Variants in CAMTA1 observed in about 807,000 individuals in gnomAD.
CAMTA1 encodes calmodulin-binding transcription activator 1.
In CAMTA1, 27 loss-of-function variants were observed where a neutral mutation model predicts 170.9. That is an observed-to-expected ratio of 0.16 (90% confidence interval 0.12 to 0.22). The LOEUF is 0.22. Ranked by LOEUF, CAMTA1 falls within the 10% of genes least tolerant of loss-of-function variation. The probability of loss-of-function intolerance (pLI) is 1.00; values close to 1 mark genes in which losing one functional copy is unlikely to be tolerated. For missense variants in CAMTA1, 1,619 were observed against 2,217.2 expected (o/e 0.73, Z 5.42); for synonymous variants, 833 against 891.5 (o/e 0.93, Z 1.17).
rs2095689173 is a variant in CAMTA1 at position 7,633,827 on chromosome 1, C to A, written c.511-6573C>A. Among the ~76,000 whole-genome samples, 1 of 152,244 alleles carries A rather than the reference C, an allele frequency of 6.6e-6. No individual in the cohort carries two copies. The highest frequency in any genetic ancestry group is 6.5e-5 in the Admixed American group (1 of 15,286). On this transcript the variant is annotated intron_variant, in intron 6 of 22. Coordinates refer to ENST00000303635, the MANE Select transcript of CAMTA1 (RefSeq NM_015215.4). The surrounding 1 kb of genome is among the most constrained non-coding windows in gnomAD (Gnocchi z 4.1). ...AGCGGAAACTGAGAGATTAGTGCTG[C>A]AAAGACAGCGAGGCGGGAACCAGGC...
At chr1:7,559,695 G>A (rs753426939) in intron 6 of CAMTA1, among the ~76,000 whole-genome samples, 1 of 152,082 alleles carries the variant, frequency 6.6e-6, no homozygotes, top group Admixed American at 6.5e-5. Flanking sequence ...GAGGACACAC[G>A]GCTCCTTGGG....
At chr1:7,202,043 T>A (rs1656808072) in intron 4 of CAMTA1, among the ~76,000 whole-genome samples, 1 of 152,236 alleles carries the variant, frequency 6.6e-6, no homozygotes, top group African/African-American at 2.4e-5. Context: ...TTGATCCATC[T>A]GTTTTGAGTT....
chr1:6,871,722 C>A (rs768962938), intron 3 of CAMTA1: 2 of 1,512,242 alleles, frequency 1.3e-6, no homozygotes, highest in South Asian at 1.2e-5. Context: ...CTCAGAGATA[C>A]TAGTTTTACT....
intron 3 of CAMTA1, among the ~76,000 whole-genome samples, chr1:6,889,358 T>A (rs2149125196): frequency 6.6e-6 from 1 of 152,312 alleles, no homozygotes; most frequent in South Asian, 2.1e-4. Context: ...GTATTTATAG[T>A]TTCATGGCAA....
intron 5 of CAMTA1, among the ~76,000 whole-genome samples, chr1:7,253,446 T>C (rs1156536798): frequency 4.6e-5 from 7 of 152,186 alleles, no homozygotes; most frequent in African/African-American, 1.7e-4. Flanking sequence ...CTGAGAGTGC[T>C]GGGTGTCCCA....
chr1:7,604,485 T>C (rs1470941557), intron 6 of CAMTA1, among the ~76,000 whole-genome samples: 1 of 152,240 alleles, frequency 6.6e-6, no homozygotes, highest in African/African-American at 2.4e-5. Flanking sequence ...CTACTGAGGC[T>C]TGTGCATTCA....
rs189177651 is a variant in CAMTA1, at chr1:7,736,706, C to A, written c.3263+166C>A. Among the ~76,000 whole-genome samples the A allele has an allele frequency of 4.6e-5, 7 of 152,324 alleles. No individual in the cohort carries two copies. The highest frequency in any genetic ancestry group is 8.8e-5 in the Non-Finnish European group (6 of 68,036). On this transcript the variant is annotated intron_variant, in intron 13 of 22. Transcript: ENST00000303635. The surrounding 1 kb of genome is among the most constrained non-coding windows in gnomAD (Gnocchi z 4.5). Reference sequence around the variant, plus strand: ...GTTTCCAAGGGAGTTTTATAAACTTCTTCCCAAGAAATACCCAGAGAGATA... The same window carrying A: ...GTTTCCAAGGGAGTTTTATAAACTTATTCCCAAGAAATACCCAGAGAGATA...
chr1:7,281,616 CAATAT>C, intron 5 of CAMTA1, among the ~76,000 whole-genome samples: 1 of 152,230 alleles, frequency 6.6e-6, no homozygotes, highest in East Asian at 1.9e-4. Flanking sequence ...CTGTGAGTAT[CAATAT>C]AATTGCAGCA....
chr1:7,422,392 A>G (rs1319870349), intron 5 of CAMTA1, among the ~76,000 whole-genome samples: 1 of 152,104 alleles, frequency 6.6e-6, no homozygotes, highest in Admixed American at 6.6e-5. Flanking sequence ...TGGAGGAGAC[A>G]GCAGATCCCG....
intron 6 of CAMTA1, among the ~76,000 whole-genome samples, chr1:7,520,216 C>CT (rs745564456): frequency 0.014 from 2 of 148 alleles, no homozygotes; most frequent in East Asian, 0.1. Context: ...TCCTCCTCCT[C>CT]CTCCTCCTCC....
chr1:7,669,023 G>A (rs978496093), intron 9 of CAMTA1, among the ~76,000 whole-genome samples: 11 of 152,160 alleles, frequency 7.2e-5, no homozygotes, highest in Admixed American at 3.3e-4. Flanking sequence ...CCACTTCCAC[G>A]GAGCTGCAAA....
chr1:7,515,102 T>A (rs2094263595), intron 6 of CAMTA1, among the ~76,000 whole-genome samples: 1 of 150,572 alleles, frequency 6.6e-6, no homozygotes, highest in Non-Finnish European at 1.5e-5. Context: ...CCACCTGGGA[T>A]CATCAGGCTG....
At chr1:7,418,701 C>G (rs995970464) in intron 5 of CAMTA1, among the ~76,000 whole-genome samples, 9 of 152,212 alleles carry the variant, frequency 5.9e-5, no homozygotes, top group Non-Finnish European at 1.0e-4. Flanking sequence ...CCCTGAACTT[C>G]CCCTCCTGAG....
At chr1:7,704,990 G>A (rs1360480868) in intron 11 of CAMTA1, among the ~76,000 whole-genome samples, 2 of 67,686 alleles carry the variant, frequency 3.0e-5, no homozygotes, top group Admixed American at 1.5e-4. Context: ...GGGCCGGGGC[G>A]TGGGGACACG....
chr1:7,336,843 C>G (rs1358609470), intron 5 of CAMTA1, among the ~76,000 whole-genome samples: 1 of 152,192 alleles, frequency 6.6e-6, no homozygotes, highest in Non-Finnish European at 1.5e-5. Flanking sequence ...GGGAGAAGGC[C>G]ATGGCCCTTC....
At chr1:7,597,788 C>T (rs1272227884) in intron 6 of CAMTA1, among the ~76,000 whole-genome samples, 1 of 152,094 alleles carries the variant, frequency 6.6e-6, no homozygotes, top group Non-Finnish European at 1.5e-5. Flanking sequence ...GGGTCATCTG[C>T]TTACCCAAAG....
At chr1:7,510,221 G>C (rs1271589821) in intron 6 of CAMTA1, among the ~76,000 whole-genome samples, 1 of 141,264 alleles carries the variant, frequency 7.1e-6, no homozygotes, top group East Asian at 2.3e-4. Context: ...AAGGGGTAAA[G>C]GCCAACAGTT....
chr1:7,457,060 C>T (rs1429207555), intron 5 of CAMTA1, among the ~76,000 whole-genome samples: 5 of 87,764 alleles, frequency 5.7e-5, no homozygotes, highest in African/African-American at 2.2e-4. Context: ...CCTGCGCCGC[C>T]GTGCCCCTCA....
At chr1:7,241,914 G>A (rs1664924701) in intron 4 of CAMTA1, among the ~76,000 whole-genome samples, 1 of 152,108 alleles carries the variant, frequency 6.6e-6, no homozygotes, top group South Asian at 2.1e-4. Context: ...ATGAGACTAA[G>A]TACTATTCAT....
Sources: gnomAD v4.1 joint callset for allele counts (sites outside exome capture counted in the v4.1 genomes callset) on GRCh38, gnomAD v4.1.1 for gene constraint, Gnocchi (gnomAD v3.1) non-coding constraint, MANE v1.5 for transcripts, NCBI Gene and HGNC (gene_info 2026-07-23, HGNC 2026-07-21) for gene names.